The following KCNMB1 variants were observed in gnomAD, a reference collection of about 807,000 sequenced individuals.
KCNMB1 encodes the protein calcium-activated potassium channel subunit beta-1.
A neutral mutation model predicts 21.7 loss-of-function variants in KCNMB1; 22 were observed. The ratio of observed to expected loss-of-function variants is 1.01; its 90% CI spans 0.72 to 1.45. KCNMB1 has a LOEUF of 1.45. Ranked by LOEUF, KCNMB1 falls within the 40% of genes most tolerant of loss-of-function variation. The probability of loss-of-function intolerance (pLI) is 0.00; values close to 1 mark genes in which losing one functional copy is unlikely to be tolerated. For missense variants in KCNMB1, 243 were observed against 243.4 expected (o/e 1.00, Z 0.01); for synonymous variants, 114 against 107.6 (o/e 1.06, Z -0.37).
chr5:170,381,120 C>T (rs1170945304), intron 3 of KCNMB1, among the ~76,000 whole-genome samples: 1 of 152,214 alleles, frequency 6.6e-6, no homozygotes, highest in Non-Finnish European at 1.5e-5. Context: ...CTAGTGTATC[C>T]TCTGCCTGCT....
At position 170,378,975 on chromosome 5, in the gene KCNMB1, T is replaced by C. The variant is rs1764125709; in HGVS notation, c.307-2A>G. ...CACGCTGCCTGGGATGTAGGAGCAC[T>C]GTGGGGAGAAACAAGAGCAGCTGTG... is the stretch of plus-strand genomic sequence containing the variant. On this transcript the variant is annotated splice_acceptor_variant, in intron 3 of 3. Transcript: ENST00000274629. LOFTEE classifies it high-confidence loss of function. The C allele has an allele frequency of 6.2e-7, 1 of 1,613,134 alleles. No individual in the cohort carries two copies. Among genetic ancestry groups the C allele is most frequent in the East Asian group, 2.2e-5 (1 of 44,862 alleles).
intron 2 of KCNMB1, 138 bp downstream of exon 2, chr5:170,385,176 C>T: frequency 1.0e-6 from 1 of 954,894 alleles, no homozygotes; most frequent in Non-Finnish European, 1.6e-6. Context: ...ACCCTAGAAC[C>T]TAAGAATGAG....
At position 170,378,906 on chromosome 5, in the gene KCNMB1, G is replaced by C. The variant is rs771101151; in HGVS notation, c.374C>G (p.Ala125Gly). 1 of 1,614,128 alleles carries C rather than the reference G, an allele frequency of 6.2e-7. No individual in the cohort carries two copies. Among genetic ancestry groups the C allele is most frequent in the Non-Finnish European group, 8.5e-7 (1 of 1,180,050 alleles). The stretch of plus-strand genomic sequence containing the variant: ...GAAGACCTGCTGCTCTTGGAATTTG[G>C]CTCTGACCTTCTCCACGTCGGCCCG... ...TARADVEKVR[A>G]KFQEQQVFYC... Residue 125 changes from alanine (A) to glycine (G), a missense_variant, in exon 4 of 4, where the codon GCC becomes GGC. Ala to Gly is a moderately conservative substitution (Grantham distance 60). Transcript: ENST00000274629.
rs1319183918 is a variant in KCNMB1 at position 170,376,703 on chromosome 5, CT to C, written c.*2000del. The C allele has an allele frequency of 2.6e-5, 4 of 152,176 alleles. No homozygotes were observed. Among genetic ancestry groups the C allele is most frequent in the Admixed American group, 6.5e-5 (1 of 15,276 alleles). The allele number at this position is 152,176 out of a possible 1,614,324, so 9.4% of individuals were successfully genotyped here. ...ATGTCCCTGCAAAGGACATGATCTC[CT>C]TCCTTTTTATGGCTGCATAATATTC... On this transcript the variant is annotated 3_prime_UTR_variant, in exon 4 of 4. Coordinates refer to ENST00000274629, the MANE Select transcript of KCNMB1 (RefSeq NM_004137.4).
chr5:170,383,365 T>C (rs1484775755), intron 3 of KCNMB1: 2 of 592,768 alleles, frequency 3.4e-6, no homozygotes, highest in Admixed American at 3.0e-5. Flanking sequence ...CGTGGCACTT[T>C]ATATACAGCG....
chr5:170,386,057 C>T (rs1489163536), intron 1 of KCNMB1, among the ~76,000 whole-genome samples: 2 of 150,604 alleles, frequency 1.3e-5, no homozygotes, highest in Non-Finnish European at 2.9e-5. Flanking sequence ...ACCCAGGAGG[C>T]GGAGCTTGCA....
At chr5:170,385,584 A>G (rs999991015) in intron 1 of KCNMB1, 113 bp from the exon 2 acceptor site, 3 of 1,019,046 alleles carry the variant, frequency 2.9e-6, no homozygotes, top group Non-Finnish European at 4.3e-6. Context: ...ACTCTTGTTT[A>G]TATTTGGAGC....
rs1431676817 is a variant in KCNMB1 at position 170,374,836 on chromosome 5, G to T, written c.*3868C>A. 1 of 152,178 alleles carries T rather than the reference G, an allele frequency of 6.6e-6. No homozygotes were observed. The highest frequency in any genetic ancestry group is 1.5e-5 in the Non-Finnish European group (1 of 68,040). 9.4% of individuals were successfully genotyped at this position (152,178 alleles called of 1,614,324 possible). A position where few individuals can be genotyped will look rare whatever the true frequency, so the allele number is the denominator to read the frequency against. ...GTTCTGTGAGCAGCAGACAGTTGTG[G>T]CATTTGCTAGAAGGCCAGTCTTTAT... On this transcript the variant is annotated 3_prime_UTR_variant, in exon 4 of 4. Transcript: ENST00000274629.
In KCNMB1 at chr5:170,383,537, G is replaced by C; in HGVS notation, c.306+142C>G. ...GTGTGACTCCAACACAGAAGAGCTA[G>C]GGCTGGCTCAGTCTCATTCCAGCTG... On this transcript the variant is annotated intron_variant, in intron 3 of 3. Coordinates refer to ENST00000274629, the MANE Select transcript of KCNMB1 (RefSeq NM_004137.4). The C allele has an allele frequency of 4.6e-6, 4 of 878,154 alleles. No individual in the cohort carries two copies. The South Asian group carries it at 5.9e-5, about 13-fold the overall frequency. The allele number at this position is 878,154 out of a possible 1,614,324, so 54.4% of individuals were successfully genotyped here.
At chr5:170,383,580 G>T in intron 3 of KCNMB1, 99 bp downstream of exon 3, 1 of 1,337,430 alleles carries the variant, frequency 7.5e-7, no homozygotes, top group Non-Finnish European at 1.1e-6. Flanking sequence ...TGGTCAAGTG[G>T]GTTGATCTTT....
intron 3 of KCNMB1, among the ~76,000 whole-genome samples, chr5:170,380,770 C>G (rs149133181): frequency 2.2e-4 from 34 of 152,316 alleles, no homozygotes; most frequent in African/African-American, 8.2e-4. Context: ...CTTGGCTAAC[C>G]TAGCTCCTTA....
Position 170,383,781 on chromosome 5 carries a change from G to T in KCNMB1, c.204C>A (p.Gly68=). The part of the protein sequence containing the change: ...TNIRDQEELK[G]KKVPQYPCLW... The stretch of plus-strand genomic sequence containing the variant: ...GGCATGGGTACTGGGGCACCTTCTT[G>T]CCCTTCAGCTCCTCCTGGTCCCTGA... The change falls in exon 3 of 4, where the codon GGC becomes GGA. Residue 68 remains glycine, a synonymous_variant. Coordinates refer to ENST00000274629, the MANE Select transcript of KCNMB1 (RefSeq NM_004137.4). The T allele has an allele frequency of 6.2e-7, 1 of 1,614,056 alleles. No individual in the cohort carries two copies. The highest frequency in any genetic ancestry group is 8.5e-7 in the Non-Finnish European group (1 of 1,179,964).
At chr5:170,381,034 A>T (rs1764217967) in intron 3 of KCNMB1, among the ~76,000 whole-genome samples, 1 of 152,222 alleles carries the variant, frequency 6.6e-6, no homozygotes, top group African/African-American at 2.4e-5. Context: ...AAATTGCAAC[A>T]ACAGCTCCTT....
At position 170,388,285 on chromosome 5, in the gene KCNMB1, C is replaced by A. The variant is rs186289318; in HGVS notation, c.-25+974G>T. 1.2e-3 allele frequency among the ~76,000 whole-genome samples: 181 copies of A among 152,332 alleles called. 1 individual carries two copies. The highest frequency in any genetic ancestry group is 3.6e-3 in the African/African-American group (151 of 41,576). On this transcript the variant is annotated intron_variant, in intron 1 of 3. Coordinates refer to ENST00000274629, the MANE Select transcript of KCNMB1 (RefSeq NM_004137.4). Reference sequence around the variant, plus strand: ...GAGTCATGATAAATCCTCCTAAGACCATGCGTGGGGTTCAGTGTAGATATG... The same window carrying A: ...GAGTCATGATAAATCCTCCTAAGACAATGCGTGGGGTTCAGTGTAGATATG...
intron 3 of KCNMB1, among the ~76,000 whole-genome samples, chr5:170,380,401 T>C (rs1764192082): frequency 6.6e-6 from 1 of 152,168 alleles, no homozygotes; most frequent in Non-Finnish European, 1.5e-5. Context: ...AAGATCAAAA[T>C]GTGTAAAACT....
At chr5:170,383,558 A>G in intron 3 of KCNMB1, 121 bp downstream of exon 3, 1 of 1,099,778 alleles carries the variant, frequency 9.1e-7, no homozygotes, top group Non-Finnish European at 1.3e-6. Flanking sequence ...GTCTCATTCC[A>G]GCTGTGAGAC....
chr5:170,383,759 A>G lies in KCNMB1; in HGVS notation c.226T>C (p.Cys76Arg), dbSNP rs1193299302. 1.9e-6 allele frequency: 3 copies of G among 1,614,034 alleles called. No homozygotes were observed. The African/African-American group carries it at 4.0e-5, about 22-fold the overall frequency. ...LKGKKVPQYPCLWVNVSAAGR... is the reference protein window; with the variant it reads ...LKGKKVPQYPRLWVNVSAAGR... ...GCAGCTGACACGTTGACCCACAGGC[A>G]TGGGTACTGGGGCACCTTCTTGCCC... The change falls in exon 3 of 4, where the codon TGC becomes CGC. Residue 76 changes from cysteine (C) to arginine (R), a missense_variant. Coordinates refer to ENST00000274629, the MANE Select transcript of KCNMB1 (RefSeq NM_004137.4).
At position 170,377,104 on chromosome 5, in the gene KCNMB1, C is replaced by T. The variant is rs1477774700; in HGVS notation, c.*1600G>A. On this transcript the variant is annotated 3_prime_UTR_variant, in exon 4 of 4. Coordinates refer to ENST00000274629, the MANE Select transcript of KCNMB1 (RefSeq NM_004137.4). The stretch of plus-strand genomic sequence containing the variant: ...ACAACACTGGAAGAAACTTCAGACA[C>T]CAGCCTAACTTCACACCCAGCTCAG... 1 of 152,246 alleles carries T rather than the reference C, an allele frequency of 6.6e-6. No homozygotes were observed. The highest frequency in any genetic ancestry group is 1.9e-4 in the East Asian group (1 of 5,200). 9.4% of individuals were successfully genotyped at this position (152,246 alleles called of 1,614,324 possible).
rs138442807 is a variant in KCNMB1, at chr5:170,388,426, C to T, written c.-25+833G>A. On this transcript the variant is annotated intron_variant, in intron 1 of 3. Transcript: ENST00000274629. ...AAGAAAAGGAAGAAGTGGGTTTCAG[C>T]TATCATAGGAGGGATTTCAGTTAGA... Among the ~76,000 whole-genome samples, 43 of 152,294 alleles carry T rather than the reference C, an allele frequency of 2.8e-4. 1 individual carries two copies. In the East Asian group the frequency reaches 5.8e-3, roughly 20 times the overall value.
Sources: gnomAD v4.1 joint callset for allele counts (sites outside exome capture counted in the v4.1 genomes callset) on GRCh38, gnomAD v4.1.1 for gene constraint, MANE v1.5 for transcripts, NCBI Gene and HGNC (gene_info 2026-07-23, HGNC 2026-07-21) for gene names.